TANC2: variants seen among roughly 807,000 people sequenced by gnomAD.
The protein encoded by TANC2 is protein TANC2.
TANC2 carries 26 observed loss-of-function variants against 210.5 expected under a neutral mutation model. The observed-to-expected ratio is 0.12, with a 90% CI of 0.09 to 0.17. The LOEUF (loss-of-function observed/expected upper bound fraction) is 0.17, where lower values mean the gene tolerates loss of function less well. Among genes scored for constraint, TANC2 ranks in the 10% least tolerant of loss-of-function variants. The probability of loss-of-function intolerance (pLI) is 1.00; values close to 1 mark genes in which losing one functional copy is unlikely to be tolerated. For synonymous variants in TANC2, 931 were observed against 967.1 expected (o/e 0.96, Z 0.69); for missense variants, 2,129 against 2,608.9 (o/e 0.82, Z 4.01).
At chr17:62,974,040 A>G (rs191491820) in intron 1 of TANC2, among the ~76,000 whole-genome samples, 2 of 152,334 alleles carry the variant, frequency 1.3e-5, no homozygotes, top group East Asian at 3.9e-4. Context: ...TCTTTAGAGA[A>G]TAAGTTTGTC....
chr17:63,378,859 G>A (rs182490320), intron 14 of TANC2, among the ~76,000 whole-genome samples: 5 of 152,286 alleles, frequency 3.3e-5, no homozygotes, highest in East Asian at 3.9e-4. Flanking sequence ...CAGAGAAGAC[G>A]TCACTTGGGG....
intron 6 of TANC2, among the ~76,000 whole-genome samples, chr17:63,195,415 C>T (rs1306813779): frequency 3.9e-5 from 6 of 152,154 alleles, no homozygotes; most frequent in African/African-American, 1.4e-4. Flanking sequence ...CCATCAGACC[C>T]ACGTTCACTC....
chr17:63,209,075 A>T (rs2041807479), intron 7 of TANC2, among the ~76,000 whole-genome samples: 1 of 151,658 alleles, frequency 6.6e-6, no homozygotes, highest in African/African-American at 2.4e-5. Context: ...TTGCAATCTT[A>T]GCTCACTGCA....
intron 2 of TANC2, among the ~76,000 whole-genome samples, chr17:63,073,062 A>G (rs542843740): frequency 9.9e-5 from 15 of 152,270 alleles, no homozygotes; most frequent in Non-Finnish European, 1.9e-4. Context: ...AAGTGATTGT[A>G]TGAAAGAACG....
At chr17:63,030,756 G>C (rs765154830) in intron 2 of TANC2, among the ~76,000 whole-genome samples, 2 of 151,998 alleles carry the variant, frequency 1.3e-5, no homozygotes, top group Non-Finnish European at 2.9e-5. Flanking sequence ...TAAAGTCAGC[G>C]TTCTTTTAGC....
At chr17:63,054,407 C>T (rs1034158266) in intron 2 of TANC2, among the ~76,000 whole-genome samples, 1 of 152,120 alleles carries the variant, frequency 6.6e-6, no homozygotes, top group Non-Finnish European at 1.5e-5. Context: ...GAGTCTCGCT[C>T]TGTTGCCAGG....
chr17:63,197,809 C>T (rs2041395337), intron 6 of TANC2: 1 of 152,164 alleles, frequency 6.6e-6, no homozygotes, highest in East Asian at 1.9e-4. Flanking sequence ...AGTGCAGTGG[C>T]TTAAATAGAC....
intron 5 of TANC2, among the ~76,000 whole-genome samples, chr17:63,178,780 GAATT>G (rs934725228): frequency 3.9e-5 from 6 of 152,220 alleles, no homozygotes; most frequent in Non-Finnish European, 8.8e-5. Context: ...AGAATGCTGA[GAATT>G]AAGAGAGTCT....
At chr17:63,215,874 C>T (rs1004308119) in intron 7 of TANC2, among the ~76,000 whole-genome samples, 9 of 151,858 alleles carry the variant, frequency 5.9e-5, no homozygotes, top group African/African-American at 1.7e-4. Context: ...CTCAGCCTCC[C>T]GAGTAGCTGG....
intron 12 of TANC2, among the ~76,000 whole-genome samples, chr17:63,342,343 T>C (rs1199218498): frequency 1.3e-5 from 2 of 152,218 alleles, no homozygotes; most frequent in African/African-American, 2.4e-5. Context: ...TTAGGAACTT[T>C]GTAAAATTCA....
At chr17:63,130,041 C>G (rs2038861208) in intron 4 of TANC2, among the ~76,000 whole-genome samples, 1 of 151,712 alleles carries the variant, frequency 6.6e-6, no homozygotes, top group African/African-American at 2.4e-5. Context: ...CCAATTAGAT[C>G]AAAAAAATTA....
At chr17:63,124,316 G>T (rs2038618812) in intron 4 of TANC2, among the ~76,000 whole-genome samples, 1 of 152,108 alleles carries the variant, frequency 6.6e-6, no homozygotes, top group Non-Finnish European at 1.5e-5. Context: ...AAAAACAAAT[G>T]AGATGAATAA....
chr17:63,330,282 T>C (rs1178596718), intron 11 of TANC2, among the ~76,000 whole-genome samples: 1 of 152,164 alleles, frequency 6.6e-6, no homozygotes, highest in Non-Finnish European at 1.5e-5. Context: ...AACATAAAAG[T>C]GCAAGGTGAA....
At chr17:63,205,344 CAAAAAAAAAAAAAAAA>C (rs1158768609) in intron 7 of TANC2, among the ~76,000 whole-genome samples, 3 of 8,064 alleles carry the variant, frequency 3.7e-4, no homozygotes, top group African/African-American at 5.4e-4. Context: ...ACCAAGGAGG[CAAAAAAAAAAAAAAAA>C]AAAAAAAAAA....
exon 13 of TANC2, chr17:63,351,369 T>C: frequency 6.2e-7 from 1 of 1,610,208 alleles, no homozygotes; most frequent in Non-Finnish European, 8.5e-7. Context: ...GATCGGAAAG[T>C]TTCCTTCTTG....
At chr17:63,204,648 A>T (rs958148073) in intron 7 of TANC2, among the ~76,000 whole-genome samples, 11 of 152,166 alleles carry the variant, frequency 7.2e-5, no homozygotes, top group Non-Finnish European at 1.3e-4. Flanking sequence ...AAAGAAAGAA[A>T]GACTCATCCT....
At chr17:63,403,568 T>A (rs984892522) in intron 19 of TANC2, among the ~76,000 whole-genome samples, 9 of 152,202 alleles carry the variant, frequency 5.9e-5, no homozygotes, top group African/African-American at 2.2e-4. Context: ...GTCCAGGAAA[T>A]AATTATAGCC....
chr17:63,034,738 G>A (rs553259379), intron 2 of TANC2, among the ~76,000 whole-genome samples: 2 of 152,262 alleles, frequency 1.3e-5, no homozygotes, highest in East Asian at 1.9e-4. Flanking sequence ...AGTAACTGTC[G>A]ATGTGTGGGA....
At position 63,006,494 on chromosome 17, in the gene TANC2, T is replaced by C. The variant is rs563728930; in HGVS notation, c.-23-3043T>C. Among the ~76,000 whole-genome samples, 358 of 152,296 alleles carry C rather than the reference T, an allele frequency of 2.4e-3. 3 individuals are homozygous for C. Among genetic ancestry groups the C allele is most frequent in the African/African-American group, 8.5e-3 (353 of 41,582 alleles). On this transcript the variant is annotated intron_variant, in intron 1 of 27. Coordinates refer to ENST00000689528, the Ensembl canonical transcript of TANC2. ...CATTACAAATATTTAAAAATACCTG[T>C]TGTGATTTATTTACTTTGTTCAACT...
Sources: gnomAD v4.1 joint callset for allele counts (sites outside exome capture counted in the v4.1 genomes callset) on GRCh38, gnomAD v4.1.1 for gene constraint, MANE v1.5 for transcripts, NCBI Gene and HGNC (gene_info 2026-07-23, HGNC 2026-07-21) for gene names.